Variants in ETV3 observed in about 807,000 individuals in gnomAD.
The protein encoded by ETV3 is ETS variant transcription factor 3, also known as ETS translocation variant 3.
ETV3 carries 8 observed loss-of-function variants against 33.0 expected under a neutral mutation model. The observed-to-expected ratio is 0.24, with a 90% confidence interval of 0.14 to 0.44. ETV3 has a LOEUF of 0.44. ETV3 is among the 20% of genes least tolerant of loss of function. The pLI is 1.00. For synonymous variants in ETV3, 222 were observed against 238.9 expected (o/e 0.93, Z 0.65); for missense variants, 473 against 652.3 (o/e 0.73, Z 2.99).
At chr1:157,129,916 T>C (rs986785665) in intron 4 of ETV3, among the ~76,000 whole-genome samples, 1 of 152,132 alleles carries the variant, frequency 6.6e-6, no homozygotes, top group Non-Finnish European at 1.5e-5. Context: ...CCATCTCAGC[T>C]CACTGCAACC....
At chr1:157,127,091 C>T (rs1192151631) in intron 4 of ETV3, among the ~76,000 whole-genome samples, 1 of 152,240 alleles carries the variant, frequency 6.6e-6, no homozygotes, top group African/African-American at 2.4e-5. Context: ...GGGCCAAGGC[C>T]CCATTCCTGG....
At chr1:157,136,062 T>C (rs1276206787) in intron 2 of ETV3, among the ~76,000 whole-genome samples, 2 of 152,226 alleles carry the variant, frequency 1.3e-5, no homozygotes, top group Non-Finnish European at 2.9e-5. Context: ...AAAACTCCTT[T>C]TCCCTAAGGT....
chr1:157,129,108 A>G lies in ETV3; in HGVS notation c.401-3129T>C, dbSNP rs546809065. Among the ~76,000 whole-genome samples the G allele has an allele frequency of 1.2e-4, 18 of 152,328 alleles. No homozygotes were observed. The East Asian group carries it at 3.1e-3, about 26-fold the overall frequency. On this transcript the variant is annotated intron_variant, in intron 4 of 4. Transcript: ENST00000368192. ...GTGTTTTATGTTCATTTGCCTCTTAAAGGCAAGGGCTGAAGATAAGGCAGC... is the reference window on the plus strand; with the variant it reads ...GTGTTTTATGTTCATTTGCCTCTTAGAGGCAAGGGCTGAAGATAAGGCAGC...
intron 4 of ETV3, among the ~76,000 whole-genome samples, chr1:157,131,586 C>CG (rs1293146217): frequency 6.6e-6 from 1 of 152,174 alleles, no homozygotes; most frequent in Admixed American, 6.5e-5. Context: ...TTCAACAGCT[C>CG]GATCTCTCAG....
chr1:157,130,569 C>G (rs928342346), intron 4 of ETV3, among the ~76,000 whole-genome samples: 2 of 152,176 alleles, frequency 1.3e-5, no homozygotes, highest in South Asian at 2.1e-4. Context: ...TTGACCCCCT[C>G]TGGCAAAATG....
chr1:157,127,693 GTGCTACCA>G lies in ETV3; in HGVS notation c.401-1722_401-1715del, dbSNP rs572193207. The stretch of plus-strand genomic sequence containing the variant: ...CTGGAGTAGCTGGGATTACAGGTGT[GTGCTACCA>G]TGCCCGGCTAATTTTTGTTATTTTT... On this transcript the variant is annotated intron_variant, in intron 4 of 4. Transcript: ENST00000368192. Among the ~76,000 whole-genome samples the G allele has an allele frequency of 1.8e-3, 268 of 152,210 alleles. 1 individual carries two copies. Among genetic ancestry groups the G allele is most frequent in the African/African-American group, 5.3e-3 (219 of 41,544 alleles).
At chr1:157,136,706 C>T (rs569742275) in intron 1 of ETV3, among the ~76,000 whole-genome samples, 1 of 152,248 alleles carries the variant, frequency 6.6e-6, no homozygotes, top group South Asian at 2.1e-4. Flanking sequence ...GGTCCAAAAA[C>T]GCAGCCAAAA....
Position 157,134,093 on chromosome 1 carries a change from A to G in ETV3, c.400+19T>C. The G allele has an allele frequency of 1.9e-6, 3 of 1,603,844 alleles. No individual in the cohort carries two copies. The highest frequency in any genetic ancestry group is 2.5e-6 in the Non-Finnish European group (3 of 1,177,402). On this transcript the variant is annotated intron_variant, in intron 4 of 4. Coordinates refer to ENST00000368192, the MANE Select transcript of ETV3 (RefSeq NM_001145312.3). ...TTCAATTCAAAATTAATTCCCTACC[A>G]AAAGAGTTTGTATCTTACCACTTGA...
rs1674760881 is a variant in ETV3 at position 157,123,857 on chromosome 1, A to T, written c.*984T>A. 1 of 152,016 alleles carries T rather than the reference A, an allele frequency of 6.6e-6. No homozygotes were observed. Among genetic ancestry groups the T allele is most frequent in the Admixed American group, 6.6e-5 (1 of 15,258 alleles). 9.4% of individuals were successfully genotyped at this position (152,016 alleles called of 1,614,324 possible). A position where few individuals can be genotyped will look rare whatever the true frequency, so the allele number is the denominator to read the frequency against. ...TAAGAGAACCAGACATAATGGAAAG[A>T]CCTCTTCAATAATGTTGTCATGCCT... On this transcript the variant is annotated 3_prime_UTR_variant, in exon 5 of 5. Transcript: ENST00000368192.
intron 3 of ETV3, among the ~76,000 whole-genome samples, chr1:157,134,724 G>C (rs976572043): frequency 1.4e-4 from 21 of 152,208 alleles, no homozygotes; most frequent in African/African-American, 4.8e-4. Flanking sequence ...CCCTGATCTG[G>C]AAAACAGCAG....
intron 1 of ETV3, among the ~76,000 whole-genome samples, chr1:157,137,512 AC>A (rs1675147123): frequency 5.6e-5 from 2 of 35,750 alleles, no homozygotes; most frequent in Non-Finnish European, 9.1e-5. Context: ...AAGGAAAAAC[AC>A]ACACACACAC....
chr1:157,124,767 C>T lies in ETV3; in HGVS notation c.*74G>A, dbSNP rs1674786451. 1.9e-6 allele frequency: 1 copy of T among 514,554 alleles called. No homozygotes were observed. The highest frequency in any genetic ancestry group is 3.8e-5 in the East Asian group (1 of 26,240). 31.9% of individuals were successfully genotyped at this position (514,554 alleles called of 1,614,324 possible). On this transcript the variant is annotated 3_prime_UTR_variant, in exon 5 of 5. Transcript: ENST00000368192. The stretch of plus-strand genomic sequence containing the variant: ...AACCAGTTTAACTCCCTCCCCCCCA[C>T]CCTGAAATCTTGCTACATAAATACA...
chr1:157,134,797 T>A (rs1204036624), intron 3 of ETV3, among the ~76,000 whole-genome samples: 2 of 152,224 alleles, frequency 1.3e-5, no homozygotes, highest in East Asian at 3.8e-4. Flanking sequence ...GCAAAGCCAC[T>A]GTACAGAGTT....
intron 2 of ETV3, 52 bp from the exon 3 acceptor site, chr1:157,135,760 T>C (rs770377350): frequency 3.9e-6 from 6 of 1,551,114 alleles, no homozygotes; most frequent in Admixed American, 3.4e-5. Flanking sequence ...GGTACATACA[T>C]ACCAGCAACC....
In ETV3 at chr1:157,124,238, CAAAAAAAAAAAA is replaced by C. The variant is rs11348539; in HGVS notation, c.*591_*602del. The C allele has an allele frequency of 5.9e-5, 4 of 67,692 alleles. No individual in the cohort carries two copies. Among genetic ancestry groups the C allele is most frequent in the African/African-American group, 1.1e-4 (2 of 17,694 alleles). 4.2% of individuals were successfully genotyped at this position (67,692 alleles called of 1,614,324 possible). Reference sequence around the variant, plus strand: ...GAAAAAAATGCCAAACAACACCAACCAAAAAAAAAAAAAAAAAAAAAAGAAGGAAGAAGAAAA... The same window carrying C: ...GAAAAAAATGCCAAACAACACCAACCAAAAAAAAAAGAAGGAAGAAGAAAA... On this transcript the variant is annotated 3_prime_UTR_variant, in exon 5 of 5. Coordinates refer to ENST00000368192, the MANE Select transcript of ETV3 (RefSeq NM_001145312.3).
intron 4 of ETV3, among the ~76,000 whole-genome samples, chr1:157,131,168 T>C (rs541406826): frequency 4.0e-4 from 61 of 152,186 alleles, no homozygotes; most frequent in Non-Finnish European, 7.6e-4. Flanking sequence ...CTGGGGTTGG[T>C]GGGAGTAGAG....
intron 4 of ETV3, among the ~76,000 whole-genome samples, chr1:157,132,244 G>A (rs1235264187): frequency 1.3e-5 from 2 of 152,222 alleles, no homozygotes; most frequent in African/African-American, 2.4e-5. Flanking sequence ...CACCTGGCCC[G>A]GCCCCTTGTG....
At chr1:157,134,617 T>C (rs572446555) in intron 3 of ETV3, among the ~76,000 whole-genome samples, 53 of 152,328 alleles carry the variant, frequency 3.5e-4, no homozygotes, top group South Asian at 1.4e-3. Context: ...GACAAATCAC[T>C]AGGGAGACCT....
rs1342111950 is a variant in ETV3, at chr1:157,122,689, C to T, written c.*2152G>A. The T allele has an allele frequency of 1.3e-5, 2 of 152,198 alleles. No individual in the cohort carries two copies. Among genetic ancestry groups the T allele is most frequent in the Non-Finnish European group, 2.9e-5 (2 of 68,052 alleles). 9.4% of individuals were successfully genotyped at this position (152,198 alleles called of 1,614,324 possible). A position where few individuals can be genotyped will look rare whatever the true frequency, so the allele number is the denominator to read the frequency against. The stretch of plus-strand genomic sequence containing the variant: ...AGCGGACAGTGGGTGGCCAGCCAGC[C>T]TCCCTGGTTAGATTGGGCAATGCCA... On this transcript the variant is annotated 3_prime_UTR_variant, in exon 5 of 5. Coordinates refer to ENST00000368192, the MANE Select transcript of ETV3 (RefSeq NM_001145312.3).
Sources: gnomAD v4.1 joint callset for allele counts (sites outside exome capture counted in the v4.1 genomes callset) on GRCh38, gnomAD v4.1.1 for gene constraint, MANE v1.5 for transcripts, NCBI Gene and HGNC (gene_info 2026-07-23, HGNC 2026-07-21) for gene names.